The following EIF2B4 variants were observed in gnomAD, a reference collection of about 807,000 sequenced individuals.
EIF2B4 encodes eukaryotic translation initiation factor 2B subunit delta.
A neutral mutation model predicts 66.7 loss-of-function variants in EIF2B4; 34 were observed. That is an observed-to-expected ratio of 0.51 (90% CI 0.39 to 0.68). The LOEUF (loss-of-function observed/expected upper bound fraction) is 0.68. EIF2B4 is among the 30% of genes least tolerant of loss of function. EIF2B4 has a pLI of 0.00. For synonymous variants in EIF2B4, 278 were observed against 253.6 expected (o/e 1.10, Z -0.92); for missense variants, 618 against 657.9 (o/e 0.94, Z 0.66).
chr2:27,369,867 C>T lies in EIF2B4; in HGVS notation c.75+9G>A. ...TTGGCAGGCGGCTTGGGAGGGAAGCCTCACTTACCCCAGGCCCAGGGGGAA... is the reference window on the plus strand; with the variant it reads ...TTGGCAGGCGGCTTGGGAGGGAAGCTTCACTTACCCCAGGCCCAGGGGGAA... On this transcript the variant is annotated intron_variant, in intron 2 of 12. Coordinates refer to ENST00000347454, the MANE Select transcript of EIF2B4 (RefSeq NM_001034116.2). 6.4e-7 allele frequency: 1 copy of T among 1,573,754 alleles called. No homozygotes were observed. The highest frequency in any genetic ancestry group is 8.6e-7 in the Non-Finnish European group (1 of 1,159,810).
Position 27,368,379 on chromosome 2 carries a change from A to T in EIF2B4, c.583T>A (p.Phe195Ile), listed in dbSNP as rs752818834. 3.0e-5 allele frequency: 48 copies of T among 1,612,828 alleles called. No individual in the cohort carries two copies. The highest frequency in any genetic ancestry group is 1.7e-4 in the Middle Eastern group (1 of 6,058). ...QYSRQNSLTQ[F>I]MSIPSSVIHP... The stretch of plus-strand genomic sequence containing the variant: ...AATTTCATAGGATCCTACCTCATAA[A>T]CTGGGTCAGAGAGTTTTGTCTGCTG... The change falls in exon 6 of 13, where the codon TTT becomes ATT. Residue 195 changes from phenylalanine (F) to isoleucine (I), a missense_variant. By Grantham distance (21) the Phe-to-Ile change is conservative (BLOSUM62 0). Transcript: ENST00000347454.
At position 27,368,656 on chromosome 2, in the gene EIF2B4, G is replaced by C; in HGVS notation, c.496C>G (p.Gln166Glu). 6.2e-7 allele frequency: 1 copy of C among 1,614,070 alleles called. No individual in the cohort carries two copies. The highest frequency in any genetic ancestry group is 8.5e-7 in the Non-Finnish European group (1 of 1,180,018). ...CAGGCACCAAACCCACTTCCTACCT[G>C]TTGACGCTCTGGTTTTTTAACAAGC... ...RRLVKKPERQ[Q>E]VPTRKDYGSK... is the part of the protein sequence containing the mutation. Residue 166 changes from glutamine (Q) to glutamate (E), a missense_variant and splice_region_variant, in exon 5 of 13, where the codon CAG (glutamine) becomes GAG (glutamate). Gln to Glu is a conservative substitution (Grantham distance 29). Around this residue, in one of 4 missense-constraint regions of EIF2B4, gnomAD observed 506 missense variants for 511.9 expected, o/e 0.99. Coordinates refer to ENST00000347454, the MANE Select transcript of EIF2B4 (RefSeq NM_001034116.2).
intron 9 of EIF2B4, 63 bp from the exon 10 acceptor site, chr2:27,367,264 C>G (rs763515698): frequency 1.2e-6 from 2 of 1,611,404 alleles, no homozygotes; most frequent in African/African-American, 1.3e-5. Context: ...GATGATCATG[C>G]CAGGTGCTTG....
intron 1 of EIF2B4, 126 bp downstream of exon 1, chr2:27,370,158 G>T: frequency 6.5e-7 from 1 of 1,544,680 alleles, no homozygotes; most frequent in Non-Finnish European, 8.7e-7. Context: ...TCGAGACTGT[G>T]TAGACCGGAG....
chr2:27,366,693 G>A lies in EIF2B4; in HGVS notation c.1191+66C>T, dbSNP rs1287025570. ...AACAAAACTGTAACTTTGGGAAGGT[G>A]AGATTATGTCTATACTACTACACCT... On this transcript the variant is annotated intron_variant, in intron 11 of 12. Coordinates refer to ENST00000347454, the MANE Select transcript of EIF2B4 (RefSeq NM_001034116.2). 3.8e-6 allele frequency: 6 copies of A among 1,578,216 alleles called. No homozygotes were observed. The African/African-American group carries it at 4.0e-5, about 11-fold the overall frequency.
intron 7 of EIF2B4, 56 bp from the exon 8 acceptor site, chr2:27,367,878 G>A: frequency 6.4e-7 from 1 of 1,564,854 alleles, no homozygotes; most frequent in Non-Finnish European, 8.8e-7. Context: ...TCTCTGAACG[G>A]GGGCTGGGGG....
In EIF2B4 at chr2:27,364,856, C is replaced by T. The variant is rs1459780113; in HGVS notation, c.1234G>A (p.Gly412Arg). 3 of 1,614,018 alleles carry T rather than the reference C, an allele frequency of 1.9e-6. No individual in the cohort carries two copies. The highest frequency in any genetic ancestry group is 2.5e-6 in the Non-Finnish European group (3 of 1,180,034). The change falls in exon 12 of 13, where the codon GGG becomes AGG. Residue 412 changes from glycine to arginine, a missense_variant. Gly to Arg is a moderately radical substitution (Grantham distance 125). Transcript: ENST00000347454. ...GTCCCTACCCGTGACATCACAGACC[C>T]GTTGGCCAAGAGTGCATGAGCTCCC... ...LLGAHALLAN[G>R]SVMSRVGTAQ...
intron 10 of EIF2B4, 53 bp from the exon 11 acceptor site, chr2:27,366,989 A>T (rs1681912586): frequency 2.5e-6 from 4 of 1,614,022 alleles, no homozygotes; most frequent in African/African-American, 2.7e-5. Flanking sequence ...ACTGATGACT[A>T]ACTTATTCCC....
chr2:27,368,034 G>T lies in EIF2B4; in HGVS notation c.696C>A (p.Ala232=). Residue 232 remains alanine, a synonymous_variant, in exon 7 of 13, where the codon GCC becomes GCA. Transcript: ENST00000347454. ...SNARCIALLR[A]LQQVIQDYTT... ...ACAGGATGGGACATACCTGCTGCAA[G>T]GCACGAAGCAGGGCAATACACCGGG... The T allele has an allele frequency of 1.3e-6, 2 of 1,585,686 alleles. No individual in the cohort carries two copies. The highest frequency in any genetic ancestry group is 4.6e-5 in the East Asian group (2 of 43,638).
At position 27,369,171 on chromosome 2, in the gene EIF2B4, C is replaced by A; in HGVS notation, c.253G>T (p.Gly85Cys). 1 of 1,613,400 alleles carries A rather than the reference C, an allele frequency of 6.2e-7. No homozygotes were observed. Among genetic ancestry groups the A allele is most frequent in the Non-Finnish European group, 8.5e-7 (1 of 1,180,004 alleles). ...RELPESGIQL[G>C]TPREKVPAGR... The stretch of plus-strand genomic sequence containing the variant: ...GCTGGAACTTTCTCCCGAGGAGTGC[C>A]CAACTGAATGCCCGATTCTGGCAGT... The change falls in exon 4 of 13, where the codon GGC becomes TGC. Residue 85 changes from glycine to cysteine, a missense_variant. Around this residue, in one of 4 missense-constraint regions of EIF2B4, gnomAD observed 506 missense variants for 511.9 expected, o/e 0.99. Transcript: ENST00000347454.
At position 27,369,064 on chromosome 2, in the gene EIF2B4, C is replaced by T. The variant is rs773154770; in HGVS notation, c.360G>A (p.Gly120=). 4.3e-6 allele frequency: 7 copies of T among 1,614,102 alleles called. No homozygotes were observed. In the Middle Eastern group the frequency reaches 4.9e-4, roughly 114 times the overall value. The part of the protein sequence containing the change: ...AERALKQARK[G]EQGGPPPKAS... ...CCTTAGGAGGTGGTCCTCCTTGTTCCCCTTTTCTTGCCTGTTTCAGGGCCC... is the reference window on the plus strand; with the variant it reads ...CCTTAGGAGGTGGTCCTCCTTGTTCTCCTTTTCTTGCCTGTTTCAGGGCCC... The change falls in exon 4 of 13, where the codon GGG becomes GGA. Residue 120 remains glycine (G), a synonymous_variant. Coordinates refer to ENST00000347454, the MANE Select transcript of EIF2B4 (RefSeq NM_001034116.2).
rs2148382941 is a variant in EIF2B4 at position 27,369,937 on chromosome 2, G to A, written c.32-18C>T. 2 of 1,576,700 alleles carry A rather than the reference G, an allele frequency of 1.3e-6. No homozygotes were observed. Among genetic ancestry groups the A allele is most frequent in the East Asian group, 2.4e-5 (1 of 42,548 alleles). ...TCCCGAGTCTGCATCAGAAAACAGG[G>A]CACAAAGTGAGCCAGAGAGACTCCG... On this transcript the variant is annotated intron_variant, in intron 1 of 12. Transcript: ENST00000347454.
chr2:27,367,285 T>TGATG (rs1356447804), intron 9 of EIF2B4, 84 bp from the exon 10 acceptor site: 1 of 1,601,616 alleles, frequency 6.2e-7, no homozygotes, highest in African/African-American at 1.3e-5. Flanking sequence ...AATATGTGTA[T>TGATG]GATGACAAGC....
At chr2:27,365,786 C>T (rs1681802659) in intron 11 of EIF2B4, 1 of 152,218 alleles carries the variant, frequency 6.6e-6, no homozygotes, top group Admixed American at 6.5e-5. Context: ...GTTCCCTCTT[C>T]CTGGTTGCTA....
At chr2:27,366,731 C>A in intron 11 of EIF2B4, 28 bp downstream of exon 11, 2 of 1,613,950 alleles carry the variant, frequency 1.2e-6, no homozygotes, top group Non-Finnish European at 1.7e-6. Flanking sequence ...TCACCGCCAA[C>A]TTTGGAGTCC....
chr2:27,365,131 A>G, intron 11 of EIF2B4: 2 of 459,984 alleles, frequency 4.3e-6, no homozygotes, highest in South Asian at 4.2e-5. Context: ...ATCTCGGCTC[A>G]CCACAACCTC....
At chr2:27,366,724 C>A (rs1179874741) in intron 11 of EIF2B4, 35 bp downstream of exon 11, 5 of 1,613,088 alleles carry the variant, frequency 3.1e-6, no homozygotes, top group Non-Finnish European at 4.2e-6. Context: ...CACCTTTTCA[C>A]CGCCAACTTT....
chr2:27,365,135 C>A, intron 11 of EIF2B4: 1 of 449,216 alleles, frequency 2.2e-6, no homozygotes, highest in Non-Finnish European at 4.1e-6. Flanking sequence ...CGGCTCACCA[C>A]AACCTCTGCC....
chr2:27,367,381 C>G, intron 9 of EIF2B4, 76 bp downstream of exon 9: 1 of 1,599,764 alleles, frequency 6.3e-7, no homozygotes, highest in South Asian at 1.1e-5. Context: ...CTTACGTTGG[C>G]CTTCCCGGGA....
Sources: gnomAD v4.1 joint callset for allele counts on GRCh38, gnomAD v4.1.1 for gene constraint, gnomAD v4.1.1 regional missense constraint, MANE v1.5 for transcripts, NCBI Gene and HGNC (gene_info 2026-07-23, HGNC 2026-07-21) for gene names.